The following HNF1B variants were observed in gnomAD, a reference collection of about 807,000 sequenced individuals.
The protein encoded by HNF1B is hepatocyte nuclear factor 1-beta.
HNF1B carries 8 observed loss-of-function variants against 61.7 expected under a neutral mutation model. The observed-to-expected ratio is 0.13, with a 90% confidence interval of 0.08 to 0.23. The LOEUF (loss-of-function observed/expected upper bound fraction) is 0.23. Among genes scored for constraint, HNF1B ranks in the 10% least tolerant of loss-of-function variants. HNF1B has a pLI of 1.00. For missense variants in HNF1B, 562 were observed against 714.5 expected (o/e 0.79, Z 2.43); for synonymous variants, 314 against 287.7 (o/e 1.09, Z -0.93).
rs1598810505 is a variant in HNF1B, at chr17:37,705,738, T to C, written c.1207-689A>G. Among the ~76,000 whole-genome samples, 4 of 152,290 alleles carry C rather than the reference T, an allele frequency of 2.6e-5. No homozygotes were observed. In the South Asian group the frequency reaches 8.3e-4, roughly 32 times the overall value. On this transcript the variant is annotated intron_variant, in intron 5 of 8. Transcript: ENST00000617811. ...TCTGATGGTAACAGGGTCTTTTCCT[T>C]GCTAGTACTGATATGTCTACATGTC...
rs372143096 is a variant in HNF1B at position 37,703,829 on chromosome 17, C to G, written c.1339+1088G>C. Among the ~76,000 whole-genome samples, 6 of 152,242 alleles carry G rather than the reference C, an allele frequency of 3.9e-5. No individual in the cohort carries two copies. In the East Asian group the frequency reaches 1.2e-3, roughly 29 times the overall value. ...AATGGGCTTAGCCCTGTTCTGACCT[C>G]AAAGGATGTGTAAGTCATTCTCTTC... On this transcript the variant is annotated intron_variant, in intron 6 of 8. Transcript: ENST00000617811.
chr17:37,693,401 A>G (rs926528190), intron 8 of HNF1B, among the ~76,000 whole-genome samples: 1 of 152,114 alleles, frequency 6.6e-6, no homozygotes, highest in African/African-American at 2.4e-5. Context: ...CCAACAGGGA[A>G]TTAACTGCCC....
In HNF1B at chr17:37,731,376, C is replaced by T. The variant is rs1330568534; in HGVS notation, c.1045+219G>A. The T allele has an allele frequency of 1.7e-5, 11 of 665,096 alleles. No individual in the cohort carries two copies. The East Asian group carries it at 1.9e-4, about 12-fold the overall frequency. The allele number at this position is 665,096 out of a possible 1,614,324, so 41.2% of individuals were successfully genotyped here. A position where few individuals can be genotyped will look rare whatever the true frequency, so the allele number is the denominator to read the frequency against. On this transcript the variant is annotated intron_variant, in intron 4 of 8. Coordinates refer to ENST00000617811, the MANE Select transcript of HNF1B (RefSeq NM_000458.4). ...ATAGGGTAAAGGGCTCCCTGGAAGC[C>T]GAGTGAGCCCTCACAGGGCAATGGC...
chr17:37,690,604 T>C (rs532953156), intron 8 of HNF1B, among the ~76,000 whole-genome samples: 1 of 152,034 alleles, frequency 6.6e-6, no homozygotes, highest in East Asian at 1.9e-4. Flanking sequence ...ATTCTGAGGG[T>C]CCCCTAGTAG....
intron 8 of HNF1B, among the ~76,000 whole-genome samples, chr17:37,692,912 C>T (rs143443653): frequency 1.4e-4 from 22 of 152,174 alleles, no homozygotes; most frequent in African/African-American, 4.3e-4. Flanking sequence ...GTCACTAGGC[C>T]GGGTCCAGTG....
intron 4 of HNF1B, among the ~76,000 whole-genome samples, chr17:37,719,185 A>C (rs1464890069): frequency 3.3e-5 from 5 of 151,902 alleles, no homozygotes; most frequent in South Asian, 4.2e-4. Flanking sequence ...GGGTAGTCTC[A>C]AACTCCTGGG....
rs555962022 is a variant in HNF1B at position 37,690,080 on chromosome 17, A to G, written c.1654-2688T>C. 3.9e-4 allele frequency among the ~76,000 whole-genome samples: 59 copies of G among 152,162 alleles called. 2 individuals are homozygous for G. The South Asian group carries it at 0.012, about 31-fold the overall frequency. ...GAGATGAGCACTCCATAGAAAAATAAGCATAGAGGTTAGGGCAGCTTGAGG... is the reference window on the plus strand; with the variant it reads ...GAGATGAGCACTCCATAGAAAAATAGGCATAGAGGTTAGGGCAGCTTGAGG... On this transcript the variant is annotated intron_variant, in intron 8 of 8. Coordinates refer to ENST00000617811, the MANE Select transcript of HNF1B (RefSeq NM_000458.4).
At chr17:37,733,175 T>G (rs1189660601) in intron 3 of HNF1B, among the ~76,000 whole-genome samples, 1 of 152,120 alleles carries the variant, frequency 6.6e-6, no homozygotes, top group Non-Finnish European at 1.5e-5. Context: ...AACACACAAT[T>G]TCGCTTCCCA....
chr17:37,710,460 T>C (rs1309200298), intron 5 of HNF1B, 43 bp downstream of exon 5: 1 of 1,610,622 alleles, frequency 6.2e-7, no homozygotes, highest in Admixed American at 1.7e-5. Flanking sequence ...TTTTGCCTCT[T>C]ATCTTATCAG....
intron 4 of HNF1B, among the ~76,000 whole-genome samples, chr17:37,711,021 G>A (rs1443512506): frequency 1.3e-5 from 2 of 152,188 alleles, no homozygotes; most frequent in African/African-American, 4.8e-5. Flanking sequence ...TGAGGATTTG[G>A]GGGTTGAGAC....
At chr17:37,742,080 A>T (rs2034008261) in intron 1 of HNF1B, among the ~76,000 whole-genome samples, 1 of 152,074 alleles carries the variant, frequency 6.6e-6, no homozygotes, top group African/African-American at 2.4e-5. Context: ...GCCTGCGGCC[A>T]TTGTGTCCCA....
chr17:37,690,540 C>T (rs2147416878), intron 8 of HNF1B, among the ~76,000 whole-genome samples: 1 of 152,236 alleles, frequency 6.6e-6, no homozygotes, highest in Middle Eastern at 3.4e-3. Context: ...GGGGCCTGGG[C>T]TGGGACTAGG....
At chr17:37,700,373 A>C (rs1408079387) in intron 7 of HNF1B, among the ~76,000 whole-genome samples, 2 of 152,174 alleles carry the variant, frequency 1.3e-5, no homozygotes, top group African/African-American at 4.8e-5. Context: ...TGGATATGAG[A>C]AACAGTCTGT....
chr17:37,716,963 A>G (rs2033144310), intron 4 of HNF1B, among the ~76,000 whole-genome samples: 1 of 152,128 alleles, frequency 6.6e-6, no homozygotes, highest in Admixed American at 6.5e-5. Flanking sequence ...GGGCACACAG[A>G]TATTCCTTCT....
intron 5 of HNF1B, among the ~76,000 whole-genome samples, chr17:37,709,614 G>C (rs1295076621): frequency 1.3e-5 from 2 of 152,170 alleles, no homozygotes; most frequent in South Asian, 4.1e-4. Flanking sequence ...CACCAAGTGT[G>C]CTAAACTTGC....
chr17:37,705,806 T>C (rs949517638), intron 5 of HNF1B, among the ~76,000 whole-genome samples: 1 of 152,232 alleles, frequency 6.6e-6, no homozygotes, highest in Non-Finnish European at 1.5e-5. Context: ...CAATAACAGC[T>C]GTAATAGATG....
At chr17:37,698,452 A>G (rs1366268428) in intron 8 of HNF1B, among the ~76,000 whole-genome samples, 1 of 152,090 alleles carries the variant, frequency 6.6e-6, no homozygotes, top group African/African-American at 2.4e-5. Context: ...ACAGTGACTA[A>G]GCCTCTGGAT....
intron 1 of HNF1B, among the ~76,000 whole-genome samples, chr17:37,741,693 CA>C (rs2033996246): frequency 6.6e-6 from 1 of 152,302 alleles, no homozygotes; most frequent in East Asian, 1.9e-4. Context: ...ATTGCTTTAG[CA>C]AATTCTTCGG....
At chr17:37,687,766 AG>A (rs2147408827) in intron 8 of HNF1B, among the ~76,000 whole-genome samples, 1 of 152,280 alleles carries the variant, frequency 6.6e-6, no homozygotes, top group African/African-American at 2.4e-5. Flanking sequence ...CGTGGAAGCA[AG>A]GGTCTCTTCC....
Sources: gnomAD v4.1 joint callset for allele counts (sites outside exome capture counted in the v4.1 genomes callset) on GRCh38, gnomAD v4.1.1 for gene constraint, MANE v1.5 for transcripts, NCBI Gene and HGNC (gene_info 2026-07-23, HGNC 2026-07-21) for gene names.